The following DHX35 variants were observed in gnomAD, a reference collection of about 807,000 sequenced individuals.
DHX35 encodes the protein DEAH-box helicase 35.
DHX35 carries 84 observed loss-of-function variants against 99.6 expected under a neutral mutation model. The ratio of observed to expected loss-of-function variants is 0.84; its 90% CI spans 0.71 to 1.01. The LOEUF (loss-of-function observed/expected upper bound fraction) is 1.01. Ranked by LOEUF, DHX35 falls within the 50% of genes least tolerant of loss-of-function variation. The probability of loss-of-function intolerance (pLI) is 0.00; values close to 1 mark genes in which losing one functional copy is unlikely to be tolerated. For synonymous variants in DHX35, 331 were observed against 316.2 expected (o/e 1.05, Z -0.50); for missense variants, 852 against 888.5 (o/e 0.96, Z 0.52).
chr20:38,963,043 A>G (rs895496190), intron 1 of DHX35: 4 of 152,512 alleles, frequency 2.6e-5, no homozygotes, highest in African/African-American at 9.6e-5. Flanking sequence ...CCGAATGTCT[A>G]CTAGAAAAGG....
chr20:38,969,709 C>G (rs1011116763), intron 2 of DHX35, among the ~76,000 whole-genome samples: 1 of 152,234 alleles, frequency 6.6e-6, no homozygotes, highest in African/African-American at 2.4e-5. Flanking sequence ...AAGTGCACAT[C>G]CAGACACTCA....
chr20:38,964,686 C>T (rs574797168), intron 1 of DHX35, among the ~76,000 whole-genome samples: 2 of 152,298 alleles, frequency 1.3e-5, no homozygotes, highest in South Asian at 4.1e-4. Flanking sequence ...ACCTCGGCCT[C>T]CCAAAGTGTT....
chr20:39,015,973 C>G (rs1293336191), intron 14 of DHX35, among the ~76,000 whole-genome samples: 2 of 152,078 alleles, frequency 1.3e-5, no homozygotes, highest in African/African-American at 4.8e-5. Context: ...AATATGTGGT[C>G]TTTTGTGATT....
At chr20:39,019,239 G>A (rs66486072) in intron 15 of DHX35, among the ~76,000 whole-genome samples, 29,005 of 152,072 alleles carry the variant, frequency 0.19, 2,891 homozygotes, top group Middle Eastern at 0.31. Context: ...TGACTGCTCT[G>A]AGAACCCTCA....
At chr20:39,008,586 T>C (rs2086654252) in intron 12 of DHX35, among the ~76,000 whole-genome samples, 1 of 152,180 alleles carries the variant, frequency 6.6e-6, no homozygotes, top group South Asian at 2.1e-4. Flanking sequence ...AATGAGTGCA[T>C]TGGTGTCCAG....
intron 4 of DHX35, 91 bp from the exon 5 acceptor site, chr20:38,988,722 A>G (rs889853407): frequency 9.7e-6 from 15 of 1,553,026 alleles, no homozygotes; most frequent in Middle Eastern, 4.2e-4. Flanking sequence ...CATACTATTT[A>G]AAATATAAAT....
intron 8 of DHX35, among the ~76,000 whole-genome samples, chr20:38,996,688 A>C (rs1385538793): frequency 6.6e-6 from 1 of 152,146 alleles, no homozygotes; most frequent in Non-Finnish European, 1.5e-5. Context: ...CAACTTGGAG[A>C]GAGAGAAAGC....
At position 39,038,914 on chromosome 20, in the gene DHX35, C is replaced by T. The variant is rs1814662993; in HGVS notation, c.*371C>T. On this transcript the variant is annotated 3_prime_UTR_variant, in exon 22 of 22. Coordinates refer to ENST00000252011, the MANE Select transcript of DHX35 (RefSeq NM_021931.4). ...AGGCCAAAACACCATGTGGGGTGGA[C>T]AGAGGGTTTGCTGGGCTGGCTTTGC... is the stretch of plus-strand genomic sequence containing the variant. 1 of 283,318 alleles carries T rather than the reference C, an allele frequency of 3.5e-6. No homozygotes were observed. The highest frequency in any genetic ancestry group is 6.7e-6 in the Non-Finnish European group (1 of 149,504). The allele number at this position is 283,318 out of a possible 1,614,324, so 17.6% of individuals were successfully genotyped here. A position where few individuals can be genotyped will look rare whatever the true frequency, so the allele number is the denominator to read the frequency against.
At chr20:38,983,861 A>G (rs775637135) in intron 4 of DHX35, 85 bp downstream of exon 4, 2 of 1,208,278 alleles carry the variant, frequency 1.7e-6, no homozygotes, top group East Asian at 2.5e-5. Context: ...CTTTAAATGA[A>G]TAGAAGTTGC....
At chr20:39,010,987 G>A (rs1207203826) in intron 13 of DHX35, among the ~76,000 whole-genome samples, 1 of 152,156 alleles carries the variant, frequency 6.6e-6, no homozygotes, top group Non-Finnish European at 1.5e-5. Context: ...CCACCTTGTG[G>A]TACTTCCATT....
chr20:38,992,261 A>G (rs1176321504), intron 6 of DHX35, 95 bp from the exon 7 acceptor site: 1 of 980,196 alleles, frequency 1.0e-6, no homozygotes, highest in Non-Finnish European at 1.6e-6. Flanking sequence ...AAGTGATTGT[A>G]TGAGGACTAA....
chr20:39,025,103 GT>G, intron 17 of DHX35, 126 bp from the exon 18 acceptor site: 1 of 1,161,880 alleles, frequency 8.6e-7, no homozygotes, highest in African/African-American at 1.6e-5. Flanking sequence ...AAAAGGGCCA[GT>G]TCCCATCTTT....
chr20:38,969,130 T>G lies in DHX35; in HGVS notation c.90T>G (p.Ala30=). 1 of 1,613,912 alleles carries G rather than the reference T, an allele frequency of 6.2e-7. No homozygotes were observed. The change falls in exon 2 of 22, where the codon GCT becomes GCG. Residue 30 remains alanine, a synonymous_variant. Transcript: ENST00000252011. ...TCTCTGAAGAGAGACAAAGTCTGGCTGAAAACTCTGGGACAACGGTTGTTT... is the reference window on the plus strand; with the variant it reads ...TCTCTGAAGAGAGACAAAGTCTGGCGGAAAACTCTGGGACAACGGTTGTTT... ...VSISEERQSL[A]ENSGTTVVYN... is the part of the protein sequence containing the mutation.
In DHX35 at chr20:39,025,225, T is replaced by G. The variant is rs1426766670; in HGVS notation, c.1672-5T>G. 2 of 1,609,718 alleles carry G rather than the reference T, an allele frequency of 1.2e-6. No homozygotes were observed. The highest frequency in any genetic ancestry group is 2.7e-5 in the African/African-American group (2 of 74,688). On this transcript the variant is annotated splice_polypyrimidine_tract_variant and splice_region_variant and intron_variant, in intron 17 of 21. Transcript: ENST00000252011. ...CTAACTCCCTCTCTCTGGGTTGTTCTGTAGCACAATAAGGACTCTAAATGG... is the reference window on the plus strand; with the variant it reads ...CTAACTCCCTCTCTCTGGGTTGTTCGGTAGCACAATAAGGACTCTAAATGG...
intron 2 of DHX35, among the ~76,000 whole-genome samples, chr20:38,970,744 A>C (rs2085982700): frequency 1.3e-5 from 2 of 152,194 alleles, no homozygotes; most frequent in African/African-American, 4.8e-5. Context: ...CTCAAGTACA[A>C]GGGAAATTAC....
At chr20:38,979,303 A>G (rs1202210642) in intron 3 of DHX35, among the ~76,000 whole-genome samples, 1 of 152,242 alleles carries the variant, frequency 6.6e-6, no homozygotes, top group African/African-American at 2.4e-5. Flanking sequence ...TTTTGCACAC[A>G]TATAGATATT....
At chr20:38,997,994 G>C (rs2086457914) in intron 8 of DHX35, among the ~76,000 whole-genome samples, 1 of 152,180 alleles carries the variant, frequency 6.6e-6, no homozygotes. Context: ...TTTCTCTCAG[G>C]GACTGGGGTG....
At chr20:39,000,189 G>T (rs2145891194) in intron 8 of DHX35, among the ~76,000 whole-genome samples, 1 of 152,262 alleles carries the variant, frequency 6.6e-6, no homozygotes, top group Middle Eastern at 3.4e-3. Flanking sequence ...GCAGGCAAGG[G>T]ATACTGCTTT....
At chr20:39,004,001 G>A in intron 11 of DHX35, 94 bp downstream of exon 11, 1 of 1,385,432 alleles carries the variant, frequency 7.2e-7, no homozygotes, top group Non-Finnish European at 1.0e-6. Flanking sequence ...ACACAAGGCA[G>A]ACTTCTAGGT....
Sources: gnomAD v4.1 joint callset for allele counts (sites outside exome capture counted in the v4.1 genomes callset) on GRCh38, gnomAD v4.1.1 for gene constraint, MANE v1.5 for transcripts, NCBI Gene and HGNC (gene_info 2026-07-23, HGNC 2026-07-21) for gene names.